Variants in MSH4 observed in about 807,000 individuals in gnomAD.
MSH4 encodes the protein mutS homolog 4.
Under a neutral mutation model 113.7 loss-of-function variants are expected in MSH4, and 106 were observed. The observed-to-expected ratio is 0.93, with a 90% CI of 0.80 to 1.10. The LOEUF is 1.10. Among genes scored for constraint, MSH4 ranks in the 50% least tolerant of loss-of-function variants. The pLI is 0.00. For missense variants in MSH4, 1,061 were observed against 1,093.7 expected, an observed-to-expected ratio of 0.97 and a Z score of 0.42; for synonymous variants, 368 against 380.2, an observed-to-expected ratio of 0.97 and a Z score of 0.37.
intron 8 of MSH4, among the ~76,000 whole-genome samples, chr1:75,851,220 G>T (rs113896255): frequency 5.0e-4 from 18 of 35,898 alleles, no homozygotes; most frequent in East Asian, 6.1e-3. Flanking sequence ...ATCTGCCATC[G>T]TTTTTTTTTT....
At chr1:75,880,236 A>G (rs749330193) in intron 13 of MSH4, 83 bp downstream of exon 13, 21 of 713,582 alleles carry the variant, frequency 2.9e-5, no homozygotes, top group Non-Finnish European at 4.8e-5. Flanking sequence ...TTTAATTTTT[A>G]TCTAATTACA....
At chr1:75,800,736 G>GGAAA (rs1385717182) in intron 1 of MSH4, among the ~76,000 whole-genome samples, 5 of 152,114 alleles carry the variant, frequency 3.3e-5, no homozygotes, top group African/African-American at 1.2e-4. Flanking sequence ...TAATTTTGAG[G>GGAAA]GAAAGATAGA....
At chr1:75,820,963 T>A (rs1338447741) in intron 6 of MSH4, among the ~76,000 whole-genome samples, 1 of 151,286 alleles carries the variant, frequency 6.6e-6, no homozygotes, top group East Asian at 1.9e-4. Flanking sequence ...ATGGGAGACT[T>A]TAACACCCCA....
At chr1:75,898,330 A>G (rs1447243713) in intron 18 of MSH4, among the ~76,000 whole-genome samples, 2 of 152,054 alleles carry the variant, frequency 1.3e-5, no homozygotes, top group African/African-American at 2.4e-5. Context: ...TGAAAACCCT[A>G]GAAGTATTAG....
chr1:75,839,251 G>A, intron 7 of MSH4, among the ~76,000 whole-genome samples: 1 of 151,800 alleles, frequency 6.6e-6, no homozygotes, highest in Non-Finnish European at 1.5e-5. Flanking sequence ...GTTTCACTCT[G>A]TCACCCAGGC....
chr1:75,810,155 T>C (rs1163944288), intron 3 of MSH4, among the ~76,000 whole-genome samples: 2 of 151,972 alleles, frequency 1.3e-5, no homozygotes, highest in African/African-American at 4.8e-5. Context: ...AGTAGTTATA[T>C]AGGAGATATA....
chr1:75,881,898 G>C (rs1651942500), intron 14 of MSH4, among the ~76,000 whole-genome samples: 2 of 151,954 alleles, frequency 1.3e-5, no homozygotes, highest in South Asian at 4.1e-4. Context: ...TTAGTGCTTT[G>C]ACATTTCTTA....
chr1:75,847,081 A>G (rs1651091334), intron 7 of MSH4, among the ~76,000 whole-genome samples: 1 of 152,164 alleles, frequency 6.6e-6, no homozygotes, highest in Non-Finnish European at 1.5e-5. Flanking sequence ...ATGCATGCAT[A>G]TGAGAGGAAG....
At position 75,879,130 on chromosome 1, in the gene MSH4, T is replaced by C. The variant is rs755917974; in HGVS notation, c.1677+2T>C. On this transcript the variant is annotated splice_donor_variant, in intron 12 of 19. Transcript: ENST00000263187. LOFTEE classifies it high-confidence loss of function. ...CAACTTCCTTCAGAATTTATTAAGG[T>C]TCATTTTAGAGTGGTTAGGAAATTA... 2 of 1,608,270 alleles carry C rather than the reference T, an allele frequency of 1.2e-6. No homozygotes were observed. The highest frequency in any genetic ancestry group is 1.7e-6 in the Non-Finnish European group (2 of 1,175,584).
chr1:75,818,626 G>A (rs1650339546), intron 6 of MSH4, among the ~76,000 whole-genome samples: 2 of 152,128 alleles, frequency 1.3e-5, no homozygotes, highest in African/African-American at 4.8e-5. Context: ...CCATCCCATC[G>A]TCATCTTTGC....
Position 75,808,216 on chromosome 1 carries a change from C to T in MSH4, c.588+1075C>T, listed in dbSNP as rs1243684198. 2.6e-5 allele frequency among the ~76,000 whole-genome samples: 4 copies of T among 152,232 alleles called. No homozygotes were observed. In the East Asian group the frequency reaches 5.8e-4, roughly 22 times the overall value. On this transcript the variant is annotated intron_variant, in intron 3 of 19. Transcript: ENST00000263187. Reference sequence around the variant, plus strand: ...TGTCCCTGGTGGTATTTCAGATGACCATATTTATGAAGCTTGGTGCAGACA... The same window carrying T: ...TGTCCCTGGTGGTATTTCAGATGACTATATTTATGAAGCTTGGTGCAGACA...
intron 7 of MSH4, among the ~76,000 whole-genome samples, chr1:75,830,881 C>G (rs192104640): frequency 6.6e-5 from 10 of 152,294 alleles, no homozygotes; most frequent in Non-Finnish European, 1.2e-4. Flanking sequence ...ACTTCACCAA[C>G]TGACGAGCAA....
At chr1:75,869,735 G>C (rs1050336705) in intron 9 of MSH4, among the ~76,000 whole-genome samples, 2 of 152,214 alleles carry the variant, frequency 1.3e-5, no homozygotes, top group African/African-American at 4.8e-5. Context: ...CCTCCACCTA[G>C]ATTTCAGAGG....
chr1:75,899,539 A>C, intron 18 of MSH4, 79 bp from the exon 19 acceptor site: 2 of 717,656 alleles, frequency 2.8e-6, no homozygotes, highest in Non-Finnish European at 4.4e-6. Context: ...TGTGACTAAA[A>C]GATTAATACT....
intron 7 of MSH4, among the ~76,000 whole-genome samples, chr1:75,833,095 C>T (rs10873733): frequency 0.46 from 70,299 of 152,000 alleles, 17,281 homozygotes; most frequent in East Asian, 0.95. Flanking sequence ...AGTCTCTGGA[C>T]ACAAAATCAA....
chr1:75,912,797 C>A lies in MSH4; in HGVS notation c.2721C>A (p.Asp907Glu). 1 of 1,595,092 alleles carries A rather than the reference C, an allele frequency of 6.3e-7. No individual in the cohort carries two copies. The highest frequency in any genetic ancestry group is 1.7e-5 in the Admixed American group (1 of 57,158). ...QTARNSQLDP[D>E]SLRIYLSNLK... is the part of the protein sequence containing the mutation. ...CTCGAAACTCTCAATTGGATCCAGACAGTTTACGAATATATTTAAGTAACC... is the reference window on the plus strand; with the variant it reads ...CTCGAAACTCTCAATTGGATCCAGAAAGTTTACGAATATATTTAAGTAACC... Residue 907 changes from aspartate to glutamate, a missense_variant, in exon 20 of 20, where the codon GAC becomes GAA. Transcript: ENST00000263187.
chr1:75,798,091 T>A (rs987072110), intron 1 of MSH4, among the ~76,000 whole-genome samples: 3 of 152,226 alleles, frequency 2.0e-5, no homozygotes, highest in Non-Finnish European at 2.9e-5. Flanking sequence ...CATTTTTCAG[T>A]TCATCTCATG....
chr1:75,882,493 A>G (rs1279897840), intron 14 of MSH4, among the ~76,000 whole-genome samples: 1 of 151,876 alleles, frequency 6.6e-6, no homozygotes, highest in Non-Finnish European at 1.5e-5. Context: ...TTAGCAGATT[A>G]TTTGTGTTGA....
intron 7 of MSH4, among the ~76,000 whole-genome samples, chr1:75,830,409 C>T (rs973700159): frequency 3.3e-5 from 5 of 152,122 alleles, no homozygotes; most frequent in Non-Finnish European, 7.3e-5. Flanking sequence ...GCAAGGCAGG[C>T]CAACAATTCA....
Sources: gnomAD v4.1 joint callset for allele counts (sites outside exome capture counted in the v4.1 genomes callset) on GRCh38, gnomAD v4.1.1 for gene constraint, MANE v1.5 for transcripts, NCBI Gene and HGNC (gene_info 2026-07-23, HGNC 2026-07-21) for gene names.